Variants in SLC26A5 observed in about 807,000 individuals in gnomAD.
The protein encoded by SLC26A5 is solute carrier family 26 member 5.
SLC26A5 carries 51 observed loss-of-function variants against 81.0 expected under a neutral mutation model. The ratio of observed to expected loss-of-function variants is 0.63; its 90% CI spans 0.50 to 0.80. The LOEUF (loss-of-function observed/expected upper bound fraction) is 0.80. Among genes scored for constraint, SLC26A5 ranks in the 30% least tolerant of loss-of-function variants. SLC26A5 has a pLI of 0.00. For missense variants in SLC26A5, 771 were observed against 905.8 expected, an observed-to-expected ratio of 0.85 and a Z score of 1.91; for synonymous variants, 325 against 332.8, an observed-to-expected ratio of 0.98 and a Z score of 0.25.
chr7:103,416,023 T>C (rs1204898693), intron 4 of SLC26A5, among the ~76,000 whole-genome samples: 1 of 152,190 alleles, frequency 6.6e-6, no homozygotes, highest in Non-Finnish European at 1.5e-5. Context: ...CTTCCAACCC[T>C]GACTAAATAT....
intron 19 of SLC26A5, 93 bp from the exon 20 acceptor site, chr7:103,374,685 T>TG (rs1586198433): frequency 8.0e-7 from 1 of 1,250,330 alleles, no homozygotes; most frequent in East Asian, 2.5e-5. Flanking sequence ...TGTTTTTTTT[T>TG]TTGTTATTGT....
chr7:103,376,940 G>T (rs899510164), intron 18 of SLC26A5, 78 bp from the exon 19 acceptor site: 9 of 977,634 alleles, frequency 9.2e-6, no homozygotes, highest in African/African-American at 1.6e-5. Flanking sequence ...AATGTTTTTC[G>T]TGATAGAAGA....
intron 4 of SLC26A5, among the ~76,000 whole-genome samples, chr7:103,416,652 G>A (rs1444729367): frequency 2.0e-5 from 3 of 152,122 alleles, no homozygotes; most frequent in East Asian, 1.9e-4. Context: ...TGTAGTGTAC[G>A]TACCTACATT....
At chr7:103,424,096 C>T (rs1825549796) in intron 2 of SLC26A5, among the ~76,000 whole-genome samples, 1 of 152,172 alleles carries the variant, frequency 6.6e-6, no homozygotes, top group Non-Finnish European at 1.5e-5. Context: ...AGGCAACATA[C>T]CATGCTGCTT....
intron 19 of SLC26A5, among the ~76,000 whole-genome samples, chr7:103,356,167 T>A (rs1820021786): frequency 6.6e-6 from 1 of 152,134 alleles, no homozygotes; most frequent in Non-Finnish European, 1.5e-5. Flanking sequence ...TTTTTTTTTT[T>A]AGATATAACT....
chr7:103,431,892 G>C (rs1826108809), intron 2 of SLC26A5, among the ~76,000 whole-genome samples: 1 of 151,046 alleles, frequency 6.6e-6, no homozygotes, highest in African/African-American at 2.4e-5. Context: ...ATCAAGTTTA[G>C]ACATTATTCA....
intron 2 of SLC26A5, among the ~76,000 whole-genome samples, chr7:103,438,798 G>A (rs1462483786): frequency 6.6e-6 from 1 of 152,092 alleles, no homozygotes; most frequent in Non-Finnish European, 1.5e-5. Context: ...TCTCTGATGT[G>A]TCGGCAACTA....
rs530231900 is a variant in SLC26A5 at position 103,421,821 on chromosome 7, C to T, written c.-53-254G>A. ...TTTTAACAAAAGCTCATATTAAGTG[C>T]AATGGCTAAATACTAGTCAGTTCCC... On this transcript the variant is annotated intron_variant, in intron 2 of 19. Coordinates refer to ENST00000306312, the MANE Select transcript of SLC26A5 (RefSeq NM_198999.3). Among the ~76,000 whole-genome samples the T allele has an allele frequency of 1.8e-3, 278 of 152,230 alleles. 2 individuals carry two copies. The highest frequency in any genetic ancestry group is 0.01 in the Middle Eastern group (3 of 294).
At chr7:103,362,542 C>G in intron 19 of SLC26A5, 1 of 1,403,642 alleles carries the variant, frequency 7.1e-7, no homozygotes. Context: ...AGATTTCATG[C>G]TCTCTTTATT....
At chr7:103,354,058 C>G (rs1819884879) in intron 19 of SLC26A5, 3 of 916,406 alleles carry the variant, frequency 3.3e-6, no homozygotes, top group African/African-American at 3.5e-5. Context: ...GTTAAGAAAC[C>G]AAAAATTAAA....
At chr7:103,370,652 G>C (rs1820982322), downstream of SLC26A5, among the ~76,000 whole-genome samples, 1 of 152,100 alleles carries the variant, frequency 6.6e-6, no homozygotes, top group Non-Finnish European at 1.5e-5. Flanking sequence ...CAGTTTCTTG[G>C]GGTTCCACTG....
At chr7:103,390,895 C>T (rs1212389421) in intron 11 of SLC26A5, among the ~76,000 whole-genome samples, 1 of 146,218 alleles carries the variant, frequency 6.8e-6, no homozygotes, top group Non-Finnish European at 1.5e-5. Flanking sequence ...GAGACAGACT[C>T]TCACTCTGTC....
In SLC26A5 at chr7:103,436,635, G is replaced by T. The variant is rs910671213; in HGVS notation, c.-54+6448C>A. Among the ~76,000 whole-genome samples, 7 of 152,290 alleles carry T rather than the reference G, an allele frequency of 4.6e-5. No homozygotes were observed. The South Asian group carries it at 1.2e-3, about 27-fold the overall frequency. ...GAAAGCATGTGCCAAGCCCAAAGTG[G>T]TCAGCTGCTATCCAGGTATTGCTGA... On this transcript the variant is annotated intron_variant, in intron 2 of 19. Coordinates refer to ENST00000306312, the MANE Select transcript of SLC26A5 (RefSeq NM_198999.3).
intron 2 of SLC26A5, among the ~76,000 whole-genome samples, chr7:103,441,759 C>T (rs1387679287): frequency 6.6e-6 from 1 of 152,218 alleles, no homozygotes; most frequent in African/African-American, 2.4e-5. Flanking sequence ...GGCAGAATTA[C>T]ACCTAATTCA....
rs777676306 is a variant in SLC26A5 at position 103,389,381 on chromosome 7, A to C, written c.1355T>G (p.Phe452Cys). 3 of 1,614,022 alleles carry C rather than the reference A, an allele frequency of 1.9e-6. No homozygotes were observed. Among genetic ancestry groups the C allele is most frequent in the Non-Finnish European group, 2.5e-6 (3 of 1,180,020 alleles). ...AIVIVNLKGM[F>C]MQFSDLPFFW... ...AAAGGGGAGATCTGAGAACTGCATA[A>C]ACATTCCCTTCAGGTTGACAATCAC... The change falls in exon 13 of 20, where the codon TTT (phenylalanine) becomes TGT (cysteine). Residue 452 changes from phenylalanine to cysteine, a missense_variant. By Grantham distance (205) the Phe-to-Cys change is radical. Transcript: ENST00000306312.
At chr7:103,363,603 G>A (rs2116242044) in intron 19 of SLC26A5, among the ~76,000 whole-genome samples, 1 of 152,238 alleles carries the variant, frequency 6.6e-6, no homozygotes, top group East Asian at 1.9e-4. Flanking sequence ...AGTTCTAGGG[G>A]AGAGCAAGCA....
chr7:103,362,433 C>A, intron 19 of SLC26A5: 1 of 1,355,090 alleles, frequency 7.4e-7, no homozygotes, highest in Non-Finnish European at 9.5e-7. Context: ...CATAACAACT[C>A]ACTTAGTAAA....
chr7:103,355,145 TTAAGAAA>T (rs1191305366), intron 19 of SLC26A5, among the ~76,000 whole-genome samples: 3 of 152,338 alleles, frequency 2.0e-5, no homozygotes, highest in Admixed American at 2.0e-4. Flanking sequence ...GCTTATGCAG[TTAAGAAA>T]TAAGAAATAG....
intron 16 of SLC26A5, 53 bp from the exon 17 acceptor site, chr7:103,378,606 C>T: frequency 6.9e-7 from 1 of 1,458,484 alleles, no homozygotes; most frequent in Non-Finnish European, 9.6e-7. Flanking sequence ...CAGGGACCCA[C>T]CCCAATGCCA....
Sources: allele counts gnomAD v4.1 joint callset (sites outside exome capture counted in the v4.1 genomes callset), GRCh38; gene constraint gnomAD v4.1.1; transcripts MANE v1.5; gene names NCBI Gene and HGNC (gene_info 2026-07-23, HGNC 2026-07-21).